Variants in EPHA7 observed in about 807,000 individuals in gnomAD.
The protein encoded by EPHA7 is EPH receptor A7.
Under a neutral mutation model 112.6 loss-of-function variants are expected in EPHA7, and 25 were observed. The observed-to-expected ratio is 0.22, with a 90% CI of 0.16 to 0.31. The LOEUF is 0.31. Ranked by LOEUF, EPHA7 falls within the 10% of genes least tolerant of loss-of-function variation. EPHA7 has a pLI of 1.00. For synonymous variants in EPHA7, 437 were observed against 406.5 expected (o/e 1.07, Z -0.90); for missense variants, 962 against 1,212.6 (o/e 0.79, Z 3.07).
Position 93,240,924 on chromosome 6 carries a change from G to A in EPHA7, c.*2502C>T, listed in dbSNP as rs927100847. ...TGATTAGGAAAAGAAACTTACAAAC[G>A]AGATAGTGATGTAATCATACACTTC... On this transcript the variant is annotated 3_prime_UTR_variant, in exon 17 of 17. Coordinates refer to ENST00000369303, the MANE Select transcript of EPHA7 (RefSeq NM_004440.4). The A allele has an allele frequency of 5.3e-5, 11 of 209,098 alleles. No homozygotes were observed. The highest frequency in any genetic ancestry group is 1.4e-4 in the African/African-American group (6 of 43,992). 13.0% of individuals were successfully genotyped at this position (209,098 alleles called of 1,614,324 possible).
chr6:93,258,913 T>C (rs536635350), intron 10 of EPHA7, among the ~76,000 whole-genome samples: 5 of 151,914 alleles, frequency 3.3e-5, no homozygotes, highest in African/African-American at 1.2e-4. Context: ...TTCATACACA[T>C]TAATTTTCTA....
intron 5 of EPHA7, among the ~76,000 whole-genome samples, chr6:93,292,970 T>A (rs1193633425): frequency 1.3e-5 from 2 of 152,138 alleles, no homozygotes; most frequent in African/African-American, 2.4e-5. Context: ...GTAAGAAAGA[T>A]GTTATTCTTT....
chr6:93,284,972 G>A (rs1771988446), intron 5 of EPHA7, among the ~76,000 whole-genome samples: 1 of 152,066 alleles, frequency 6.6e-6, no homozygotes, highest in Non-Finnish European at 1.5e-5. Flanking sequence ...TTCTGCACAT[G>A]TATCCCAGAA....
At chr6:93,295,799 T>C (rs1033079895) in intron 5 of EPHA7, among the ~76,000 whole-genome samples, 1 of 151,820 alleles carries the variant, frequency 6.6e-6, no homozygotes, top group Non-Finnish European at 1.5e-5. Flanking sequence ...GATATTTCTG[T>C]CCTATTTATG....
At chr6:93,334,185 C>T (rs942795282) in intron 5 of EPHA7, among the ~76,000 whole-genome samples, 16 of 151,876 alleles carry the variant, frequency 1.1e-4, no homozygotes, top group Non-Finnish European at 1.9e-4. Flanking sequence ...AAATGGTGCT[C>T]GAATAACTGA....
intron 5 of EPHA7, among the ~76,000 whole-genome samples, chr6:93,280,173 A>G (rs2127895412): frequency 6.6e-6 from 1 of 152,296 alleles, no homozygotes; most frequent in East Asian, 1.9e-4. Context: ...TAAATATCCT[A>G]ACATAGATGA....
chr6:93,292,341 C>T (rs1045269687), intron 5 of EPHA7, among the ~76,000 whole-genome samples: 19 of 152,148 alleles, frequency 1.2e-4, no homozygotes, highest in African/African-American at 4.3e-4. Flanking sequence ...TCTCTACTTT[C>T]AATGCTACCT....
chr6:93,374,064 A>G (rs1776932847), intron 3 of EPHA7, among the ~76,000 whole-genome samples: 1 of 152,180 alleles, frequency 6.6e-6, no homozygotes, highest in African/African-American at 2.4e-5. Context: ...CCTCAAAATA[A>G]CATGAAGTCG....
At chr6:93,274,285 G>A (rs886479155) in intron 5 of EPHA7, among the ~76,000 whole-genome samples, 5 of 151,890 alleles carry the variant, frequency 3.3e-5, no homozygotes, top group African/African-American at 1.2e-4. Context: ...AAAAGAGGCA[G>A]GAGACTCTGA....
intron 3 of EPHA7, among the ~76,000 whole-genome samples, chr6:93,388,873 T>C (rs967890599): frequency 2.0e-5 from 3 of 151,954 alleles, no homozygotes; most frequent in Non-Finnish European, 4.4e-5. Flanking sequence ...TGGGAGGAAA[T>C]GATATATTTT....
intron 7 of EPHA7, among the ~76,000 whole-genome samples, chr6:93,266,441 A>AT (rs1265748486): frequency 2.0e-5 from 3 of 151,764 alleles, no homozygotes; most frequent in Admixed American, 1.3e-4. Flanking sequence ...TTATTTATAC[A>AT]TTTTTGTATA....
At chr6:93,414,642 G>T in intron 2 of EPHA7, 61 bp downstream of exon 2, 2 of 1,273,436 alleles carry the variant, frequency 1.6e-6, no homozygotes, top group Non-Finnish European at 2.3e-6. Context: ...ACCCTGGAGG[G>T]AAGGGAAACG....
intron 3 of EPHA7, among the ~76,000 whole-genome samples, chr6:93,383,698 G>A (rs905487728): frequency 1.3e-5 from 2 of 152,010 alleles, no homozygotes; most frequent in African/African-American, 4.8e-5. Context: ...TAATAGTTGA[G>A]GTTTTTCTTT....
chr6:93,241,401 T>C lies in EPHA7; in HGVS notation c.*2025A>G, dbSNP rs1186305855. 1 of 212,086 alleles carries C rather than the reference T, an allele frequency of 4.7e-6. No homozygotes were observed. The highest frequency in any genetic ancestry group is 5.9e-5 in the Admixed American group (1 of 17,004). The allele number at this position is 212,086 out of a possible 1,614,324, so 13.1% of individuals were successfully genotyped here. A position where few individuals can be genotyped will look rare whatever the true frequency, so the allele number is the denominator to read the frequency against. On this transcript the variant is annotated 3_prime_UTR_variant, in exon 17 of 17. Coordinates refer to ENST00000369303, the MANE Select transcript of EPHA7 (RefSeq NM_004440.4). ...TGTACACACTGCAGACACTGAAAAA[T>C]AACCCTCAAGCACATTGTGTTATAG...
intron 5 of EPHA7, among the ~76,000 whole-genome samples, chr6:93,278,652 C>A (rs1387973367): frequency 6.6e-6 from 1 of 151,774 alleles, no homozygotes; most frequent in African/African-American, 2.4e-5. Context: ...GATAGATAGA[C>A]AGATGGATTT....
At chr6:93,249,384 G>C (rs1770106517) in intron 14 of EPHA7, among the ~76,000 whole-genome samples, 1 of 152,100 alleles carries the variant, frequency 6.6e-6, no homozygotes, top group Non-Finnish European at 1.5e-5. Context: ...GTTAAAAAAT[G>C]TGAATAAAAG....
At chr6:93,322,814 C>T (rs1774140966) in intron 5 of EPHA7, among the ~76,000 whole-genome samples, 1 of 151,614 alleles carries the variant, frequency 6.6e-6, no homozygotes, top group African/African-American at 2.4e-5. Flanking sequence ...GATACTTTTA[C>T]TCACTATGGT....
intron 7 of EPHA7, among the ~76,000 whole-genome samples, chr6:93,265,821 G>A (rs1442422669): frequency 6.6e-6 from 1 of 151,682 alleles, no homozygotes; most frequent in African/African-American, 2.4e-5. Flanking sequence ...CTCTAGAGAA[G>A]TAATTCATAT....
intron 5 of EPHA7, among the ~76,000 whole-genome samples, chr6:93,337,835 G>A (rs1013128907): frequency 1.3e-5 from 2 of 152,044 alleles, no homozygotes; most frequent in East Asian, 3.9e-4. Flanking sequence ...TTTGTTCACC[G>A]TTTATATGAC....
Sources: allele counts gnomAD v4.1 joint callset (sites outside exome capture counted in the v4.1 genomes callset), GRCh38; gene constraint gnomAD v4.1.1; transcripts MANE v1.5; gene names NCBI Gene and HGNC (gene_info 2026-07-23, HGNC 2026-07-21).